SATB2: variants seen among roughly 807,000 people sequenced by gnomAD.
SATB2 encodes the protein DNA-binding protein SATB2.
A neutral mutation model predicts 73.4 loss-of-function variants in SATB2; 1 was observed. The ratio of observed to expected loss-of-function variants is 0.01; its 90% CI spans 0.00 to 0.06. The LOEUF (loss-of-function observed/expected upper bound fraction) is 0.06. SATB2 is among the 10% of genes least tolerant of loss of function. The pLI, the probability that SATB2 is intolerant of heterozygous loss-of-function variation, is 1.00. For synonymous variants in SATB2, 397 were observed against 367.0 expected (o/e 1.08, Z -0.93); for missense variants, 459 against 945.8 (o/e 0.49, Z 6.75).
chr2:199,367,910 G>T (rs1416092688), intron 6 of SATB2, among the ~76,000 whole-genome samples: 1 of 151,974 alleles, frequency 6.6e-6, no homozygotes, highest in African/African-American at 2.4e-5. Context: ...TTTATTTTCA[G>T]GCCCAAACAT....
At position 199,308,662 on chromosome 2, in the gene SATB2, A is replaced by T; in HGVS notation, c.1740+98T>A. The T allele has an allele frequency of 1.0e-6, 1 of 984,548 alleles. No individual in the cohort carries two copies. The highest frequency in any genetic ancestry group is 1.6e-6 in the Non-Finnish European group (1 of 627,590). 61.0% of individuals were successfully genotyped at this position (984,548 alleles called of 1,614,324 possible). ...GGGACCTGGCATGAGACACCCTCTGACAGAAGTTGGTGTGGTGTGTGCCAC... is the reference window on the plus strand; with the variant it reads ...GGGACCTGGCATGAGACACCCTCTGTCAGAAGTTGGTGTGGTGTGTGCCAC... On this transcript the variant is annotated intron_variant, in intron 10 of 10. Coordinates refer to ENST00000417098, the MANE Select transcript of SATB2 (RefSeq NM_001172509.2). The surrounding 1 kb of genome is among the most constrained non-coding windows in gnomAD (Gnocchi z 4.6).
chr2:199,408,861 T>C (rs1307027218), intron 3 of SATB2, among the ~76,000 whole-genome samples: 1 of 152,176 alleles, frequency 6.6e-6, no homozygotes, highest in African/African-American at 2.4e-5. Flanking sequence ...TCCTCATCTC[T>C]GGAAGTAGCT....
At chr2:199,429,315 C>T (rs1235943171) in intron 3 of SATB2, among the ~76,000 whole-genome samples, 1 of 151,956 alleles carries the variant, frequency 6.6e-6, no homozygotes, top group East Asian at 1.9e-4. Flanking sequence ...CCACATAATC[C>T]CATCACCTAC....
At chr2:199,451,261 T>A (rs897682859) in intron 2 of SATB2, among the ~76,000 whole-genome samples, 3 of 152,036 alleles carry the variant, frequency 2.0e-5, no homozygotes, top group African/African-American at 7.2e-5. Context: ...CTATGTTCTG[T>A]TTAATGTGTA....
chr2:199,450,363 G>A (rs1433081578), intron 2 of SATB2, among the ~76,000 whole-genome samples: 2 of 151,956 alleles, frequency 1.3e-5, no homozygotes, highest in Non-Finnish European at 2.9e-5. Flanking sequence ...GTTCCAAAAT[G>A]CCATTGTATC....
chr2:199,271,582 A>G lies in SATB2; in HGVS notation c.*629T>C, dbSNP rs1462074131. On this transcript the variant is annotated 3_prime_UTR_variant, in exon 11 of 11. Coordinates refer to ENST00000417098, the MANE Select transcript of SATB2 (RefSeq NM_001172509.2). ...AATTAAAAAAAAAAAATCAGGGACA[A>G]ACACAAAAAATAAATAGGAATTCAA... 6.6e-6 allele frequency: 1 copy of G among 152,444 alleles called. No individual in the cohort carries two copies. The highest frequency in any genetic ancestry group is 2.4e-5 in the African/African-American group (1 of 41,376). The allele number at this position is 152,444 out of a possible 1,614,324, so 9.4% of individuals were successfully genotyped here. A position where few individuals can be genotyped will look rare whatever the true frequency, so the allele number is the denominator to read the frequency against.
chr2:199,380,300 C>G, intron 5 of SATB2, 64 bp downstream of exon 5: 3 of 1,600,316 alleles, frequency 1.9e-6, no homozygotes, highest in Non-Finnish European at 2.6e-6. Context: ...CAGAAGGAAC[C>G]CCCTGATAGA....
At chr2:199,311,841 C>T (rs1249029979) in intron 9 of SATB2, among the ~76,000 whole-genome samples, 1 of 152,124 alleles carries the variant, frequency 6.6e-6, no homozygotes, top group Non-Finnish European at 1.5e-5. Context: ...GGATGCTTAT[C>T]TCTGTTTTCT....
intron 3 of SATB2, among the ~76,000 whole-genome samples, chr2:199,425,991 C>T (rs1208137725): frequency 6.6e-6 from 1 of 152,152 alleles, no homozygotes; most frequent in Non-Finnish European, 1.5e-5. Flanking sequence ...GCGGCCTATC[C>T]AGCTCTAATG....
intron 3 of SATB2, among the ~76,000 whole-genome samples, chr2:199,417,085 TAAATA>T (rs1266228994): frequency 2.0e-5 from 3 of 146,960 alleles, no homozygotes; most frequent in East Asian, 4.0e-4. Context: ...CAAAAAAAAA[TAAATA>T]AAATAACATG....
At chr2:199,273,700 G>A (rs907884706) in intron 10 of SATB2, among the ~76,000 whole-genome samples, 1 of 152,016 alleles carries the variant, frequency 6.6e-6, no homozygotes, top group Admixed American at 6.5e-5. Flanking sequence ...TTAATCCTCT[G>A]TTTTGCATAT....
intron 6 of SATB2, among the ~76,000 whole-genome samples, chr2:199,352,508 A>G (rs1234687313): frequency 6.6e-6 from 1 of 152,158 alleles, no homozygotes; most frequent in East Asian, 1.9e-4. Flanking sequence ...TTCCAGGTGG[A>G]TCCTTATAAA....
chr2:199,441,771 A>C (rs1691822005), intron 2 of SATB2, among the ~76,000 whole-genome samples: 1 of 152,218 alleles, frequency 6.6e-6, no homozygotes, highest in South Asian at 2.1e-4. Context: ...ATTCAACCTG[A>C]AGTCAGGTCC....
chr2:199,327,017 A>G (rs1559163102), intron 8 of SATB2, among the ~76,000 whole-genome samples: 1 of 152,354 alleles, frequency 6.6e-6, no homozygotes, highest in East Asian at 1.9e-4. Flanking sequence ...TATTTCTACT[A>G]GGATACAATT....
chr2:199,357,419 T>C (rs894251796), intron 6 of SATB2, among the ~76,000 whole-genome samples: 1 of 152,152 alleles, frequency 6.6e-6, no homozygotes, highest in Non-Finnish European at 1.5e-5. Flanking sequence ...ATTCATATAA[T>C]AAACATTTAT....
intron 3 of SATB2, among the ~76,000 whole-genome samples, chr2:199,407,288 CAA>C (rs34954916): frequency 1.0e-4 from 8 of 77,530 alleles, no homozygotes; most frequent in Admixed American, 1.4e-4. Context: ...TCTTGTCTCC[CAA>C]AAAAAAAAAA....
In SATB2 at chr2:199,283,185, G is replaced by A. The variant is rs555293666; in HGVS notation, c.1741-10513C>T. Among the ~76,000 whole-genome samples, 365 of 149,184 alleles carry A rather than the reference G, an allele frequency of 2.4e-3. 3 individuals carry two copies. The highest frequency in any genetic ancestry group is 3.8e-3 in the Non-Finnish European group (255 of 67,728). On this transcript the variant is annotated intron_variant, in intron 10 of 10. Transcript: ENST00000417098. ...TGCAAGCTCCGCCTCCTGGGTTCAC[G>A]CCATTCTCCTGCCTCAGCCTCTTGA...
intron 3 of SATB2, among the ~76,000 whole-genome samples, chr2:199,400,848 G>A (rs766977661): frequency 2.0e-5 from 3 of 152,076 alleles, no homozygotes; most frequent in Non-Finnish European, 2.9e-5. Flanking sequence ...TCTATATTAT[G>A]CTGCTTAAGT....
chr2:199,296,410 T>G (rs142764305), intron 10 of SATB2, among the ~76,000 whole-genome samples: 4 of 151,874 alleles, frequency 2.6e-5, no homozygotes, highest in African/African-American at 4.8e-5. Context: ...GTAGATGGAG[T>G]CCAGGCGCAG....
Sources: allele counts gnomAD v4.1 joint callset (sites outside exome capture counted in the v4.1 genomes callset), GRCh38; gene constraint gnomAD v4.1.1; non-coding constraint Gnocchi (gnomAD v3.1); transcripts MANE v1.5; gene names NCBI Gene and HGNC (gene_info 2026-07-23, HGNC 2026-07-21).